ABCF2: variants seen among roughly 807,000 people sequenced by gnomAD.
ABCF2 encodes the protein ATP binding cassette subfamily F member 2.
A neutral mutation model predicts 76.9 loss-of-function variants in ABCF2; 37 were observed. The ratio of observed to expected loss-of-function variants is 0.48; its 90% CI spans 0.37 to 0.63. The LOEUF (loss-of-function observed/expected upper bound fraction) is 0.63, where lower values mean the gene tolerates loss of function less well. Ranked by LOEUF, ABCF2 falls within the 30% of genes least tolerant of loss-of-function variation. The pLI is 0.00. For synonymous variants in ABCF2, 299 were observed against 283.7 expected (o/e 1.05, Z -0.54); for missense variants, 524 against 782.1 (o/e 0.67, Z 3.94).
intron 2 of ABCF2, among the ~76,000 whole-genome samples, chr7:151,225,768 G>T (rs1475699634): frequency 6.6e-6 from 1 of 152,232 alleles, no homozygotes; most frequent in African/African-American, 2.4e-5. Context: ...TCCCAGTCTA[G>T]ACGGTAAGTT....
chr7:151,221,596 C>T lies in ABCF2; in HGVS notation c.903G>A (p.Lys301=). Residue 301 remains lysine, a synonymous_variant, in exon 7 of 15, where the codon AAG becomes AAA. Transcript: ENST00000287844. The part of the protein sequence containing the change: ...VCTNIIHMHN[K]KLKYYTGNYD... ...CACTCACCGTATAATACTTCAGTTTCTTGTTGTGCATGTGAATGATATTGG... is the reference window on the plus strand; with the variant it reads ...CACTCACCGTATAATACTTCAGTTTTTTGTTGTGCATGTGAATGATATTGG... The T allele has an allele frequency of 6.3e-7, 1 of 1,598,976 alleles. No homozygotes were observed. Among genetic ancestry groups the T allele is most frequent in the Non-Finnish European group, 8.6e-7 (1 of 1,167,562 alleles).
intron 5 of ABCF2, 113 bp from the exon 6 acceptor site, chr7:151,222,729 T>A: frequency 1.3e-6 from 1 of 759,860 alleles, no homozygotes; most frequent in Non-Finnish European, 2.1e-6. Context: ...GCTTGAGTCT[T>A]GAAATCAATT....
At position 151,215,218 on chromosome 7, in the gene ABCF2, G is replaced by A. The variant is rs1309773885; in HGVS notation, c.1531-136C>T. The A allele has an allele frequency of 8.2e-6, 7 of 858,348 alleles. No individual in the cohort carries two copies. The highest frequency in any genetic ancestry group is 2.2e-5 in the Admixed American group (1 of 44,500). 53.2% of individuals were successfully genotyped at this position (858,348 alleles called of 1,614,324 possible). ...AAGTGAGGCTCAGAGAGACCCACTAGTCTCTTGAGGCCTGAAAGAGACTCA... is the reference window on the plus strand; with the variant it reads ...AAGTGAGGCTCAGAGAGACCCACTAATCTCTTGAGGCCTGAAAGAGACTCA... On this transcript the variant is annotated intron_variant, in intron 13 of 14. Coordinates refer to ENST00000287844, the MANE Select transcript of ABCF2 (RefSeq NM_007189.3). The surrounding 1 kb of genome is among the most constrained non-coding windows in gnomAD (Gnocchi z 4.6).
At chr7:151,218,533 A>C in intron 10 of ABCF2, 28 bp downstream of exon 10, 1 of 1,595,464 alleles carries the variant, frequency 6.3e-7, no homozygotes, top group Non-Finnish European at 8.6e-7. Flanking sequence ...GATACACCCC[A>C]GCCACCCATG....
chr7:151,218,271 T>C (rs1396139054), intron 10 of ABCF2, 80 bp from the exon 11 acceptor site: 2 of 1,024,042 alleles, frequency 2.0e-6, no homozygotes, highest in Non-Finnish European at 3.0e-6. Flanking sequence ...CCCGCTGAAT[T>C]CCCAGTCACC....
At position 151,217,969 on chromosome 7, in the gene ABCF2, C is replaced by T. The variant is rs995234394; in HGVS notation, c.1338+112G>A. 5.1e-5 allele frequency: 39 copies of T among 761,692 alleles called. 1 individual carries two copies. The highest frequency in any genetic ancestry group is 2.5e-4 in the East Asian group (10 of 39,856). 47.2% of individuals were successfully genotyped at this position (761,692 alleles called of 1,614,324 possible). A position where few individuals can be genotyped will look rare whatever the true frequency, so the allele number is the denominator to read the frequency against. On this transcript the variant is annotated intron_variant, in intron 11 of 14. Coordinates refer to ENST00000287844, the MANE Select transcript of ABCF2 (RefSeq NM_007189.3). ...TCCACCCCTCCAGATGGCTCACTCA[C>T]CACCAGGGTACTCAGGCCCTCCCAA...
Position 151,215,787 on chromosome 7 carries a change from ACCCTACTAGGTAACTT to A in ABCF2, c.1402-71_1402-56del. On this transcript the variant is annotated intron_variant, in intron 12 of 14. Transcript: ENST00000287844. The surrounding 1 kb of genome is among the most constrained non-coding windows in gnomAD (Gnocchi z 4.6). Reference sequence around the variant, plus strand: ...TGACTGGCATCCCGCTTCAAAATAAACCCTACTAGGTAACTTCCTATTTCTATCCCAGGCACCTGTT... The same window carrying A: ...TGACTGGCATCCCGCTTCAAAATAAACCTATTTCTATCCCAGGCACCTGTT... 1 of 1,612,900 alleles carries A rather than the reference ACCCTACTAGGTAACTT, an allele frequency of 6.2e-7. No individual in the cohort carries two copies. The highest frequency in any genetic ancestry group is 8.5e-7 in the Non-Finnish European group (1 of 1,179,296).
Position 151,214,608 on chromosome 7 carries a change from G to A in ABCF2, c.1734+271C>T, listed in dbSNP as rs1292391184. On this transcript the variant is annotated intron_variant, in intron 14 of 14. Coordinates refer to ENST00000287844, the MANE Select transcript of ABCF2 (RefSeq NM_007189.3). The surrounding 1 kb of genome is among the most constrained non-coding windows in gnomAD (Gnocchi z 4.9). ...ATCTTGGGACAGTAGTAAAAGCACC[G>A]TTTTCTACCCAACTCTCTTTCCCAT... 1.3e-5 allele frequency among the ~76,000 whole-genome samples: 2 copies of A among 152,114 alleles called. No homozygotes were observed. The highest frequency in any genetic ancestry group is 2.4e-5 in the African/African-American group (1 of 41,418).
chr7:151,226,526 CA>C, intron 1 of ABCF2, 26 bp from the exon 2 acceptor site: 1 of 1,533,498 alleles, frequency 6.5e-7, no homozygotes. Flanking sequence ...CAGATACCCC[CA>C]AACCCTAAAC....
rs760789143 is a variant in ABCF2, at chr7:151,225,036, C to T, written c.155-48G>A. 10 of 1,562,648 alleles carry T rather than the reference C, an allele frequency of 6.4e-6. No individual in the cohort carries two copies. In the South Asian group the frequency reaches 1.1e-4, roughly 17 times the overall value. On this transcript the variant is annotated intron_variant, in intron 2 of 14. Coordinates refer to ENST00000287844, the MANE Select transcript of ABCF2 (RefSeq NM_007189.3). ...GGAAGATGGCGTGAGACAGACTCGG[C>T]TCTCCACAAAGGTCAACGTCCTGAA...
intron 5 of ABCF2, among the ~76,000 whole-genome samples, chr7:151,223,175 T>A (rs1802305901): frequency 6.6e-6 from 1 of 152,170 alleles, no homozygotes; most frequent in Admixed American, 6.5e-5. Flanking sequence ...TCAAGTCTTA[T>A]AAATTCCCTT....
At position 151,213,497 on chromosome 7, in the gene ABCF2, A is replaced by G; in HGVS notation, c.*557T>C. The G allele has an allele frequency of 1.0e-6, 1 of 985,790 alleles. No homozygotes were observed. The highest frequency in any genetic ancestry group is 1.7e-5 in the African/African-American group (1 of 57,342). 61.1% of individuals were successfully genotyped at this position (985,790 alleles called of 1,614,324 possible). ...AGAAGGCCCCAGAGACCCGAGAAGG[A>G]AGGTAGGGACCGTGGCTTCCTCTTT... is the stretch of plus-strand genomic sequence containing the variant. On this transcript the variant is annotated 3_prime_UTR_variant, in exon 15 of 15. Transcript: ENST00000287844.
At position 151,224,898 on chromosome 7, in the gene ABCF2, T is replaced by C. The variant is rs376806668; in HGVS notation, c.245A>G (p.Asn82Ser). 2.5e-6 allele frequency: 4 copies of C among 1,614,076 alleles called. No individual in the cohort carries two copies. The African/African-American group carries it at 5.3e-5, about 22-fold the overall frequency. The change falls in exon 3 of 15, where the codon AAC becomes AGC. Residue 82 changes from asparagine to serine, a missense_variant. Coordinates refer to ENST00000287844, the MANE Select transcript of ABCF2 (RefSeq NM_007189.3). ...AVTGVLASHP[N>S]STDVHIINLS... ...GTTGATGATGTGAACATCAGTACTGTTGGGGTGAGAGGCCAGGACGCCAGT... is the reference window on the plus strand; with the variant it reads ...GTTGATGATGTGAACATCAGTACTGCTGGGGTGAGAGGCCAGGACGCCAGT...
chr7:151,222,661 G>T (rs777414269), intron 5 of ABCF2, 45 bp from the exon 6 acceptor site: 1 of 1,529,688 alleles, frequency 6.5e-7, no homozygotes, highest in South Asian at 1.1e-5. Flanking sequence ...AATTATAATG[G>T]ATGTGACACA....
In ABCF2 at chr7:151,212,187, T is replaced by C; in HGVS notation, c.*1867A>G. On this transcript the variant is annotated 3_prime_UTR_variant, in exon 15 of 15. Transcript: ENST00000287844. ...CTGTATTATGAGTACTGAAAAATCATGGCTGTGTCTTCCCATAGGGATGGC... is the reference window on the plus strand; with the variant it reads ...CTGTATTATGAGTACTGAAAAATCACGGCTGTGTCTTCCCATAGGGATGGC... 1.0e-6 allele frequency: 1 copy of C among 985,448 alleles called. No homozygotes were observed. The highest frequency in any genetic ancestry group is 1.2e-6 in the Non-Finnish European group (1 of 829,926). 61.0% of individuals were successfully genotyped at this position (985,448 alleles called of 1,614,324 possible). A position where few individuals can be genotyped will look rare whatever the true frequency, so the allele number is the denominator to read the frequency against.
In ABCF2 at chr7:151,218,737, A is replaced by G. The variant is rs1339113170; in HGVS notation, c.1137+17T>C. On this transcript the variant is annotated intron_variant, in intron 9 of 14. Transcript: ENST00000287844. ...ACCCAACCCCACCCAATCACACCCC[A>G]CCCAATCACACCCCACCTTATCGCT... 1 of 1,610,348 alleles carries G rather than the reference A, an allele frequency of 6.2e-7. No individual in the cohort carries two copies. The highest frequency in any genetic ancestry group is 1.1e-5 in the South Asian group (1 of 90,938).
At chr7:151,226,571 C>T (rs980263098) in intron 1 of ABCF2, 71 bp from the exon 2 acceptor site, 2 of 1,148,394 alleles carry the variant, frequency 1.7e-6, no homozygotes, top group African/African-American at 1.6e-5. Flanking sequence ...CTGCTCCATC[C>T]CTCTCAGGAA....
intron 2 of ABCF2, among the ~76,000 whole-genome samples, chr7:151,225,496 G>T (rs984752871): frequency 1.3e-5 from 2 of 152,236 alleles, no homozygotes; most frequent in African/African-American, 4.8e-5. Context: ...ATAGAGAATG[G>T]AAATACTGTG....
intron 7 of ABCF2, among the ~76,000 whole-genome samples, chr7:151,220,350 C>T (rs544249234): frequency 1.5e-5 from 2 of 136,634 alleles, no homozygotes; most frequent in South Asian, 4.5e-4. Flanking sequence ...GATCGCGCCA[C>T]TGCACTCCAG....
Sources: gnomAD v4.1 joint callset for allele counts (sites outside exome capture counted in the v4.1 genomes callset) on GRCh38, gnomAD v4.1.1 for gene constraint, Gnocchi (gnomAD v3.1) non-coding constraint, MANE v1.5 for transcripts, NCBI Gene and HGNC (gene_info 2026-07-23, HGNC 2026-07-21) for gene names.